GAD2: variants seen among roughly 807,000 people sequenced by gnomAD.
GAD2 encodes the protein glutamate decarboxylase 2, also known as 65 kDa glutamic acid decarboxylase.
In GAD2, 22 loss-of-function variants were observed where a neutral mutation model predicts 80.1. The observed-to-expected ratio is 0.27, with a 90% CI of 0.20 to 0.39. GAD2 has a LOEUF of 0.39. GAD2 is among the 10% of genes least tolerant of loss of function. The pLI is 1.00. For missense variants in GAD2, 624 were observed against 738.4 expected (o/e 0.85, Z 1.80); for synonymous variants, 274 against 256.9 (o/e 1.07, Z -0.64).
At chr10:26,218,962 A>T (rs1302075479) in intron 3 of GAD2, 81 bp from the exon 4 acceptor site, 1 of 1,028,398 alleles carries the variant, frequency 9.7e-7, no homozygotes, top group Non-Finnish European at 1.4e-6. Context: ...AATTCAAAGA[A>T]ATGTTATTGC....
At chr10:26,265,064 C>T (rs780420651) in intron 8 of GAD2, among the ~76,000 whole-genome samples, 7 of 152,164 alleles carry the variant, frequency 4.6e-5, no homozygotes, top group Non-Finnish European at 8.8e-5. Context: ...AAACTGGGAC[C>T]ATGGTCCAAG....
intron 8 of GAD2, among the ~76,000 whole-genome samples, chr10:26,260,819 G>C (rs1845000806): frequency 6.6e-6 from 1 of 152,200 alleles, no homozygotes; most frequent in Admixed American, 6.5e-5. Context: ...AGTGATGTGT[G>C]TCAATCTGAT....
At chr10:26,272,524 G>GA (rs1269774953) in intron 10 of GAD2, among the ~76,000 whole-genome samples, 1 of 150,260 alleles carries the variant, frequency 6.7e-6, no homozygotes, top group Non-Finnish European at 1.5e-5. Context: ...AAAGTAGAAA[G>GA]AATCTTAAAA....
intron 13 of GAD2, among the ~76,000 whole-genome samples, chr10:26,291,864 A>G (rs1834216981): frequency 6.6e-6 from 1 of 152,218 alleles, no homozygotes; most frequent in Non-Finnish European, 1.5e-5. Flanking sequence ...ATGTTCACCC[A>G]TTACAGACAC....
At chr10:26,264,590 G>T (rs916093711) in intron 8 of GAD2, among the ~76,000 whole-genome samples, 1 of 152,234 alleles carries the variant, frequency 6.6e-6, no homozygotes. Context: ...GATAACAGGC[G>T]TGGAGCCACC....
Position 26,218,551 on chromosome 10 carries a change from T to TCTCTCA in GAD2, c.287-491_287-490insTCTCAC, listed in dbSNP as rs748110324. Among the ~76,000 whole-genome samples the TCTCTCA allele has an allele frequency of 3.7e-3, 441 of 118,850 alleles. 1 individual carries two copies. Among genetic ancestry groups the TCTCTCA allele is most frequent in the African/African-American group, 0.012 (394 of 32,330 alleles). 78.0% of individuals were successfully genotyped at this position (118,850 alleles called of 152,430 possible). ...CATGCATACGCTCTCTCTCTCTCTC[T>TCTCTCA]CACACACACACACACACACACACAC... On this transcript the variant is annotated intron_variant, in intron 3 of 15. Transcript: ENST00000376261.
At chr10:26,216,763 GC>G, upstream of GAD2, 2 of 1,554,692 alleles carry the variant, frequency 1.3e-6, no homozygotes, top group South Asian at 2.3e-5. The surrounding 1 kb of genome is among the most constrained non-coding windows in gnomAD (Gnocchi z 4.7). Context: ...GAGGCAGCTC[GC>G]CCGCAGCTCG....
chr10:26,303,480 G>GAA lies in GAD2; in HGVS notation c.*2520_*2521insAA, dbSNP rs1564315386. 8.1e-6 allele frequency: 1 copy of GAA among 123,318 alleles called. No individual in the cohort carries two copies. The allele number at this position is 123,318 out of a possible 1,614,324, so 7.6% of individuals were successfully genotyped here. A position where few individuals can be genotyped will look rare whatever the true frequency, so the allele number is the denominator to read the frequency against. ...GGAGGGAGGGAGGGAAGGAGGGAGG[G>GAA]AGGAAGGAAATGAAGGGAGGGAGGG... is the stretch of plus-strand genomic sequence containing the variant. On this transcript the variant is annotated 3_prime_UTR_variant, in exon 16 of 16. Transcript: ENST00000376261.
chr10:26,285,162 T>A (rs911371356), intron 12 of GAD2, among the ~76,000 whole-genome samples: 4 of 152,244 alleles, frequency 2.6e-5, no homozygotes, highest in African/African-American at 9.6e-5. Flanking sequence ...TTAATTTTTC[T>A]TATTCTGAAA....
At position 26,272,790 on chromosome 10, in the gene GAD2, G is replaced by A. The variant is rs192806996; in HGVS notation, c.1093-846G>A. The stretch of plus-strand genomic sequence containing the variant: ...GAGGCAGGAGAATTGCTTGAACCCA[G>A]GAGGCAGAGGTTGCAGTGAGCCAAG... On this transcript the variant is annotated intron_variant, in intron 10 of 15. Coordinates refer to ENST00000376261, the MANE Select transcript of GAD2 (RefSeq NM_001134366.2). Among the ~76,000 whole-genome samples the A allele has an allele frequency of 5.9e-5, 9 of 152,276 alleles. No individual in the cohort carries two copies. In the East Asian group the frequency reaches 1.7e-3, roughly 29 times the overall value.
At chr10:26,241,982 T>C (rs1002522463) in intron 7 of GAD2, among the ~76,000 whole-genome samples, 2 of 152,072 alleles carry the variant, frequency 1.3e-5, no homozygotes, top group African/African-American at 4.8e-5. Context: ...TGTTTGTTTG[T>C]TTGTTTGTTT....
Position 26,241,363 on chromosome 10 carries a change from C to G in GAD2, c.841-4558C>G, listed in dbSNP as rs183003540. 5.3e-5 allele frequency among the ~76,000 whole-genome samples: 8 copies of G among 152,190 alleles called. No individual in the cohort carries two copies. In the East Asian group the frequency reaches 1.4e-3, roughly 26 times the overall value. On this transcript the variant is annotated intron_variant, in intron 7 of 15. Coordinates refer to ENST00000376261, the MANE Select transcript of GAD2 (RefSeq NM_001134366.2). Reference sequence around the variant, plus strand: ...TTCCAATTTTTGTTCAGAATTTTGTCTTCTGAAGCCATTGAAGAGTGAAGG... The same window carrying G: ...TTCCAATTTTTGTTCAGAATTTTGTGTTCTGAAGCCATTGAAGAGTGAAGG...
chr10:26,253,691 T>A (rs937003695), intron 8 of GAD2, among the ~76,000 whole-genome samples: 9 of 152,180 alleles, frequency 5.9e-5, no homozygotes, highest in Admixed American at 4.6e-4. Context: ...GCAGACATGG[T>A]GGATGTAGTC....
intron 8 of GAD2, among the ~76,000 whole-genome samples, chr10:26,261,118 G>A (rs1311172209): frequency 6.6e-6 from 1 of 152,132 alleles, no homozygotes; most frequent in African/African-American, 2.4e-5. Context: ...TGTTGCAAAT[G>A]TTTTCTAAAA....
At chr10:26,295,341 G>C (rs1158858514) in intron 15 of GAD2, among the ~76,000 whole-genome samples, 3 of 152,120 alleles carry the variant, frequency 2.0e-5, no homozygotes, top group African/African-American at 7.2e-5. Context: ...GTAATCAAGA[G>C]AATTCAGCAA....
chr10:26,260,071 T>C (rs1432819283), intron 8 of GAD2, among the ~76,000 whole-genome samples: 2 of 152,194 alleles, frequency 1.3e-5, no homozygotes, highest in Admixed American at 1.3e-4. Flanking sequence ...GACATATAAG[T>C]ATTTACTTAA....
intron 7 of GAD2, among the ~76,000 whole-genome samples, chr10:26,235,529 G>T (rs923999727): frequency 5.3e-5 from 8 of 152,170 alleles, no homozygotes; most frequent in African/African-American, 1.4e-4. Flanking sequence ...TGTAAAACTT[G>T]AATAAGACTA....
At chr10:26,227,428 AGTTGCAGAGTGAGGT>A (rs2132274294) in intron 6 of GAD2, among the ~76,000 whole-genome samples, 1 of 152,310 alleles carries the variant, frequency 6.6e-6, no homozygotes, top group East Asian at 1.9e-4. Context: ...AGGACAGCTG[AGTTGCAGAGTGAGGT>A]GTGGGAGGGC....
In GAD2 at chr10:26,223,972, T is replaced by C; in HGVS notation, c.606T>C (p.Thr202=). 3 of 1,606,218 alleles carry C rather than the reference T, an allele frequency of 1.9e-6. No individual in the cohort carries two copies. The highest frequency in any genetic ancestry group is 2.2e-5 in the South Asian group (2 of 90,718). ...ACTGGCTGACATCAACAGCAAATAC[T>C]AACATGTAAGTAGCCAAATGTGTTT... ...AADWLTSTAN[T]NMFTYEIAPV... The change falls in exon 5 of 16, where the codon ACT becomes ACC. Residue 202 remains threonine (T), a synonymous_variant. Coordinates refer to ENST00000376261, the MANE Select transcript of GAD2 (RefSeq NM_001134366.2).
Sources: gnomAD v4.1 joint callset for allele counts (sites outside exome capture counted in the v4.1 genomes callset) on GRCh38, gnomAD v4.1.1 for gene constraint, Gnocchi (gnomAD v3.1) non-coding constraint, MANE v1.5 for transcripts, NCBI Gene and HGNC (gene_info 2026-07-23, HGNC 2026-07-21) for gene names.